The following SERPINE2 variants were observed in gnomAD, a reference collection of about 807,000 sequenced individuals.
The protein encoded by SERPINE2 is serpin family E member 2, also known as glia-derived nexin.
SERPINE2 carries 14 observed loss-of-function variants against 36.3 expected under a neutral mutation model. The ratio of observed to expected loss-of-function variants is 0.39; its 90% CI spans 0.25 to 0.60. The LOEUF (loss-of-function observed/expected upper bound fraction) is 0.60, where lower values mean the gene tolerates loss of function less well. Among genes scored for constraint, SERPINE2 ranks in the 20% least tolerant of loss-of-function variants. The probability of loss-of-function intolerance (pLI) is 0.57; values close to 1 mark genes in which losing one functional copy is unlikely to be tolerated. For synonymous variants in SERPINE2, 192 were observed against 191.8 expected, an observed-to-expected ratio of 1.00 and a Z score of -0.01; for missense variants, 418 against 499.6, an observed-to-expected ratio of 0.84 and a Z score of 1.56.
At chr2:224,020,263 G>A (rs13429547) in intron 1 of SERPINE2, among the ~76,000 whole-genome samples, 1 of 152,038 alleles carries the variant, frequency 6.6e-6, no homozygotes, top group Admixed American at 6.5e-5. Flanking sequence ...TCCAGGTGAC[G>A]TCTGAAGTGA....
intron 7 of SERPINE2, 33 bp from the exon 8 acceptor site, chr2:223,977,660 A>T: frequency 2.1e-6 from 3 of 1,442,922 alleles, no homozygotes; most frequent in Non-Finnish European, 2.0e-6. Flanking sequence ...TGTTGTGCAC[A>T]TTACATGAGA....
chr2:223,991,355 C>T (rs1369730120), intron 4 of SERPINE2, among the ~76,000 whole-genome samples: 1 of 152,212 alleles, frequency 6.6e-6, no homozygotes, highest in East Asian at 1.9e-4. Flanking sequence ...AAGGGTCCTG[C>T]TTCCTCCCCA....
At chr2:224,033,674 A>AG (rs1692448930) in intron 1 of SERPINE2, among the ~76,000 whole-genome samples, 2 of 151,774 alleles carry the variant, frequency 1.3e-5, no homozygotes, top group African/African-American at 4.8e-5. Context: ...AAAAAAAAAA[A>AG]AAAGTCACCA....
intron 1 of SERPINE2, among the ~76,000 whole-genome samples, chr2:224,028,588 C>T (rs1290839575): frequency 1.3e-5 from 2 of 152,130 alleles, no homozygotes; most frequent in Non-Finnish European, 2.9e-5. Context: ...GTCTATATCC[C>T]ATCAGTGGGA....
At chr2:224,029,946 C>G in intron 1 of SERPINE2, 1 of 594,834 alleles carries the variant, frequency 1.7e-6, no homozygotes, top group Non-Finnish European at 2.1e-6. Flanking sequence ...ATCTGCCCAC[C>G]TCAGCCTCCC....
chr2:223,990,839 G>A (rs1399493841), intron 4 of SERPINE2, among the ~76,000 whole-genome samples: 4 of 152,140 alleles, frequency 2.6e-5, no homozygotes, highest in Non-Finnish European at 4.4e-5. Context: ...TTAGCTGGCC[G>A]TGGTGGTGCA....
At chr2:224,006,951 G>A (rs1437248694) in intron 1 of SERPINE2, among the ~76,000 whole-genome samples, 2 of 152,068 alleles carry the variant, frequency 1.3e-5, no homozygotes, top group Non-Finnish European at 2.9e-5. Context: ...TGCCATGGCC[G>A]CCACTGCCAT....
chr2:224,003,834 G>A (rs147441589), intron 1 of SERPINE2, among the ~76,000 whole-genome samples: 197 of 152,276 alleles, frequency 1.3e-3, no homozygotes, highest in South Asian at 0.013. Flanking sequence ...CTGTTGTTAC[G>A]TGTGGGAGGT....
intron 3 of SERPINE2, among the ~76,000 whole-genome samples, chr2:223,993,840 G>A (rs1690773218): frequency 2.0e-5 from 3 of 152,080 alleles, no homozygotes; most frequent in Non-Finnish European, 2.9e-5. Flanking sequence ...CTTAAGTCAG[G>A]ACAAAGAAGG....
chr2:224,010,776 G>C (rs1691598636), intron 1 of SERPINE2, among the ~76,000 whole-genome samples: 1 of 152,144 alleles, frequency 6.6e-6, no homozygotes, highest in Non-Finnish European at 1.5e-5. Context: ...CTGGCTCAGA[G>C]CAAGTGTTCA....
chr2:223,999,135 G>A (rs1691006832), intron 2 of SERPINE2, among the ~76,000 whole-genome samples: 1 of 151,972 alleles, frequency 6.6e-6, no homozygotes, highest in Non-Finnish European at 1.5e-5. Context: ...ATAAGCATTA[G>A]AAAGACTATA....
chr2:224,031,462 C>T, intron 1 of SERPINE2: 3 of 985,636 alleles, frequency 3.0e-6, no homozygotes, highest in Non-Finnish European at 3.6e-6. Flanking sequence ...CACTCCCTTT[C>T]CTCCTAACCA....
intron 1 of SERPINE2, among the ~76,000 whole-genome samples, chr2:224,034,189 A>G (rs1052539449): frequency 1.3e-5 from 2 of 152,170 alleles, no homozygotes; most frequent in Non-Finnish European, 2.9e-5. Context: ...GCATGTTGCT[A>G]CAACACAAAA....
At position 223,984,846 on chromosome 2, in the gene SERPINE2, G is replaced by A. The variant is rs749936513; in HGVS notation, c.790C>T (p.Pro264Ser). ...ATGTGTGGGATGATGGCAGACAGCG[G>A]AGTGGAGCTCTCAGTCGGCAGTGCA... Reference protein sequence around the residue: ...LIALPTESSTPLSAIIPHIST... With the variant: ...LIALPTESSTSLSAIIPHIST... Residue 264 changes from proline to serine, a missense_variant, in exon 5 of 9, where the codon CCG becomes TCG. Transcript: ENST00000409304. 3 of 1,614,060 alleles carry A rather than the reference G, an allele frequency of 1.9e-6. No individual in the cohort carries two copies. Among genetic ancestry groups the A allele is most frequent in the African/African-American group, 2.7e-5 (2 of 74,944 alleles).
chr2:224,018,683 C>T (rs1691883030), intron 1 of SERPINE2, among the ~76,000 whole-genome samples: 1 of 151,940 alleles, frequency 6.6e-6, no homozygotes, highest in Non-Finnish European at 1.5e-5. Flanking sequence ...AGAAAAAGTA[C>T]TCCTCACCCC....
intron 8 of SERPINE2, among the ~76,000 whole-genome samples, chr2:223,976,640 T>A (rs1415214515): frequency 6.6e-6 from 1 of 152,258 alleles, no homozygotes; most frequent in East Asian, 1.9e-4. Flanking sequence ...CCTACTCTTG[T>A]ACCAACAAGA....
chr2:223,981,533 T>C (rs1192917730), intron 6 of SERPINE2: 3 of 152,232 alleles, frequency 2.0e-5, no homozygotes, highest in African/African-American at 7.2e-5. Context: ...AGAATATCCA[T>C]GGAGCTGCAG....
chr2:224,027,809 C>G (rs186651680), intron 1 of SERPINE2, among the ~76,000 whole-genome samples: 1 of 152,260 alleles, frequency 6.6e-6, no homozygotes, highest in Non-Finnish European at 1.5e-5. Flanking sequence ...TACTTCTGTG[C>G]CCCTCTAAGC....
In SERPINE2 at chr2:224,010,301, T is replaced by C. The variant is rs1691579304; in HGVS notation, c.-22-8379A>G. On this transcript the variant is annotated intron_variant, in intron 1 of 8. Transcript: ENST00000409304. ...GTGTATGCTCATTCTATGACACTAA[T>C]TAATTTGGCCAAAAAGGAACCTAAA... is the stretch of plus-strand genomic sequence containing the variant. 5 of 974,434 alleles carry C rather than the reference T, an allele frequency of 5.1e-6. No individual in the cohort carries two copies. The South Asian group carries it at 2.4e-4, about 46-fold the overall frequency. The allele number at this position is 974,434 out of a possible 1,614,324, so 60.4% of individuals were successfully genotyped here.
Sources: allele counts gnomAD v4.1 joint callset (sites outside exome capture counted in the v4.1 genomes callset), GRCh38; gene constraint gnomAD v4.1.1; transcripts MANE v1.5; gene names NCBI Gene and HGNC (gene_info 2026-07-23, HGNC 2026-07-21).